The following RIPOR2 variants were observed in gnomAD, a reference collection of about 807,000 sequenced individuals.
RIPOR2 encodes RHO family interacting cell polarization regulator 2.
Under a neutral mutation model 114.5 loss-of-function variants are expected in RIPOR2, and 39 were observed. That is an observed-to-expected ratio of 0.34 (90% CI 0.26 to 0.44). The LOEUF is 0.44. Ranked by LOEUF, RIPOR2 falls within the 20% of genes least tolerant of loss-of-function variation. RIPOR2 has a pLI of 1.00. For missense variants in RIPOR2, 1,007 were observed against 1,255.1 expected, an observed-to-expected ratio of 0.80 and a Z score of 2.99; for synonymous variants, 445 against 484.4, an observed-to-expected ratio of 0.92 and a Z score of 1.07.
chr6:25,014,708 G>A (rs1434753657), intron 1 of RIPOR2, among the ~76,000 whole-genome samples: 1 of 152,192 alleles, frequency 6.6e-6, no homozygotes, highest in East Asian at 1.9e-4. Context: ...AGGACAAGGA[G>A]GAGAAATGAA....
At chr6:24,958,958 C>CTTTTTCTTTT (rs1554124805) in intron 1 of RIPOR2, among the ~76,000 whole-genome samples, 1 of 123,220 alleles carries the variant, frequency 8.1e-6, no homozygotes, top group African/African-American at 3.5e-5. Context: ...TCTACATTTT[C>CTTTTTCTTTT]TTTTTTTTTT....
chr6:24,979,549 T>C (rs76462824), intron 1 of RIPOR2, among the ~76,000 whole-genome samples: 11,799 of 152,236 alleles, frequency 0.078, 1,449 homozygotes, highest in African/African-American at 0.26. Context: ...AAAAGACTTT[T>C]GCAGAATTCT....
At chr6:24,966,911 T>A (rs1316161541) in intron 1 of RIPOR2, among the ~76,000 whole-genome samples, 1 of 152,238 alleles carries the variant, frequency 6.6e-6, no homozygotes, top group Non-Finnish European at 1.5e-5. Context: ...AGATATTAGT[T>A]TCTTTCTTTA....
chr6:25,008,458 G>A (rs1404817975), intron 1 of RIPOR2, among the ~76,000 whole-genome samples: 6 of 152,200 alleles, frequency 3.9e-5, no homozygotes, highest in South Asian at 4.1e-4. Context: ...GGCCACAAGC[G>A]AAGGTGGCTC....
intron 13 of RIPOR2, chr6:24,839,583 G>C (rs963195503): frequency 1.3e-6 from 2 of 1,517,602 alleles, no homozygotes; most frequent in African/African-American, 1.4e-5. Flanking sequence ...GGATCCATTA[G>C]AGGATCTTCT....
chr6:24,910,200 C>A (rs777805947), intron 1 of RIPOR2, among the ~76,000 whole-genome samples: 5 of 152,158 alleles, frequency 3.3e-5, no homozygotes, highest in Non-Finnish European at 7.3e-5. Context: ...AGACACAGAT[C>A]GGCATCAAAG....
At chr6:24,888,368 T>C (rs1767021575) in intron 1 of RIPOR2, among the ~76,000 whole-genome samples, 1 of 152,230 alleles carries the variant, frequency 6.6e-6, no homozygotes. Flanking sequence ...TATTAGTGAT[T>C]ATTGCTTCTT....
At chr6:25,029,431 A>G (rs1270915608) in intron 1 of RIPOR2, among the ~76,000 whole-genome samples, 28 of 151,288 alleles carry the variant, frequency 1.9e-4, no homozygotes, top group Non-Finnish European at 2.5e-4. Flanking sequence ...AAAAAAAAAA[A>G]AAGAAGAAGA....
chr6:25,035,700 A>G (rs146331926), intron 1 of RIPOR2, among the ~76,000 whole-genome samples: 7 of 152,262 alleles, frequency 4.6e-5, no homozygotes, highest in African/African-American at 7.2e-5. Context: ...GTGAGCCAGG[A>G]CAGAAAGCTG....
chr6:24,856,648 C>T (rs1425177658), intron 8 of RIPOR2, among the ~76,000 whole-genome samples: 2 of 152,102 alleles, frequency 1.3e-5, no homozygotes, highest in South Asian at 2.1e-4. Context: ...CCAGCTACTC[C>T]GGAGGCTGAG....
chr6:25,014,894 T>C (rs996307332), intron 1 of RIPOR2: 1 of 152,170 alleles, frequency 6.6e-6, no homozygotes, highest in African/African-American at 2.4e-5. Context: ...GTTTGCATTG[T>C]TGGGTTTTGT....
intron 8 of RIPOR2, among the ~76,000 whole-genome samples, chr6:24,853,676 T>G (rs1193854640): frequency 6.6e-6 from 1 of 152,208 alleles, no homozygotes; most frequent in Non-Finnish European, 1.5e-5. Context: ...CAGTGTCCAC[T>G]TCATAGAATT....
rs373196023 is a variant in RIPOR2 at position 24,899,468 on chromosome 6, A to G, written c.62-23651T>C. Reference sequence around the variant, plus strand: ...TACTTCTACTTAGCAAACCAATGCAATTTTGCATATCATTCAGATTGGTTA... The same window carrying G: ...TACTTCTACTTAGCAAACCAATGCAGTTTTGCATATCATTCAGATTGGTTA... On this transcript the variant is annotated intron_variant, in intron 1 of 21. Coordinates refer to ENST00000643898, the MANE Select transcript of RIPOR2 (RefSeq NM_001286445.3). Among the ~76,000 whole-genome samples the G allele has an allele frequency of 7.9e-5, 12 of 152,340 alleles. No individual in the cohort carries two copies. The East Asian group carries it at 2.1e-3, about 27-fold the overall frequency.
chr6:24,923,905 A>T (rs540855970), intron 1 of RIPOR2, among the ~76,000 whole-genome samples: 1 of 152,294 alleles, frequency 6.6e-6, no homozygotes, highest in South Asian at 2.1e-4. Flanking sequence ...CTGCTCAGAA[A>T]TGCCTCACAG....
chr6:24,979,927 A>C (rs1016185248), intron 1 of RIPOR2, among the ~76,000 whole-genome samples: 1 of 152,252 alleles, frequency 6.6e-6, no homozygotes, highest in Non-Finnish European at 1.5e-5. Flanking sequence ...AGCATCAAGC[A>C]TATAGTAGGA....
At chr6:24,972,617 G>A (rs571075187) in intron 1 of RIPOR2, among the ~76,000 whole-genome samples, 5 of 152,294 alleles carry the variant, frequency 3.3e-5, no homozygotes, top group African/African-American at 1.2e-4. Flanking sequence ...AATGCCTCAT[G>A]GAGTGAAACT....
chr6:24,839,780 C>A, intron 13 of RIPOR2: 1 of 1,388,916 alleles, frequency 7.2e-7, no homozygotes, highest in Non-Finnish European at 9.3e-7. Context: ...GAATACTGAC[C>A]AATCTCTAAT....
intron 1 of RIPOR2, among the ~76,000 whole-genome samples, chr6:24,926,938 ATGATT>A: frequency 1.3e-5 from 2 of 148,212 alleles, no homozygotes; most frequent in Admixed American, 6.8e-5. Flanking sequence ...CACCACCACC[ATGATT>A]ATTATAATCA....
At chr6:24,857,383 C>T (rs1763576980) in intron 8 of RIPOR2, among the ~76,000 whole-genome samples, 1 of 152,154 alleles carries the variant, frequency 6.6e-6, no homozygotes, top group African/African-American at 2.4e-5. Context: ...TGAGGATGCG[C>T]ACTGGGGGCT....
Sources: allele counts gnomAD v4.1 joint callset (sites outside exome capture counted in the v4.1 genomes callset), GRCh38; gene constraint gnomAD v4.1.1; transcripts MANE v1.5; gene names NCBI Gene and HGNC (gene_info 2026-07-23, HGNC 2026-07-21).